The following TEX26 variants were observed in gnomAD, a reference collection of about 807,000 sequenced individuals.
TEX26 encodes testis-expressed protein 26.
Under a neutral mutation model 35.3 loss-of-function variants are expected in TEX26, and 34 were observed. That is an observed-to-expected ratio of 0.96 (90% CI 0.73 to 1.28). The LOEUF (loss-of-function observed/expected upper bound fraction) is 1.28, where lower values mean the gene tolerates loss of function less well. Ranked by LOEUF, TEX26 falls within the 50% of genes most tolerant of loss-of-function variation. The pLI is 0.00. For synonymous variants in TEX26, 136 were observed against 111.8 expected (o/e 1.22, Z -1.36); for missense variants, 371 against 330.1 (o/e 1.12, Z -0.96).
At chr13:30,966,116 T>G in intron 4 of TEX26, 106 bp from the exon 5 acceptor site, 1 of 1,128,784 alleles carries the variant, frequency 8.9e-7, no homozygotes, top group East Asian at 2.5e-5. Context: ...TCCATTGAAG[T>G]GTTCATACAG....
chr13:30,946,622 C>A (rs983343538), intron 2 of TEX26, among the ~76,000 whole-genome samples: 9 of 151,536 alleles, frequency 5.9e-5, no homozygotes, highest in Non-Finnish European at 1.2e-4. Flanking sequence ...TTTAAAATTT[C>A]TTTTTTCCCC....
At chr13:30,936,082 A>G (rs984296793) in intron 1 of TEX26, among the ~76,000 whole-genome samples, 1 of 152,256 alleles carries the variant, frequency 6.6e-6, no homozygotes, top group African/African-American at 2.4e-5. Context: ...TTTGGGGATT[A>G]GGACATGGAA....
intron 2 of TEX26, among the ~76,000 whole-genome samples, chr13:30,952,315 G>A (rs996036034): frequency 6.6e-6 from 1 of 151,734 alleles, no homozygotes; most frequent in Non-Finnish European, 1.5e-5. Flanking sequence ...TTATCAAATG[G>A]GAGATTTCTA....
intron 2 of TEX26, among the ~76,000 whole-genome samples, chr13:30,948,074 A>G (rs1953779971): frequency 6.6e-6 from 1 of 152,028 alleles, no homozygotes; most frequent in Admixed American, 6.6e-5. Flanking sequence ...TGAACTCATC[A>G]TTTTTTATGG....
rs140237674 is a variant in TEX26, at chr13:30,972,138, T to C, written c.809-2708T>C. Among the ~76,000 whole-genome samples the C allele has an allele frequency of 6.4e-4, 98 of 152,292 alleles. 2 individuals carry two copies. In the South Asian group the frequency reaches 0.011, roughly 18 times the overall value. On this transcript the variant is annotated intron_variant, in intron 6 of 6. Coordinates refer to ENST00000380473, the MANE Select transcript of TEX26 (RefSeq NM_152325.3). ...TACAGTAGCAGTCTGTGAGGGGTAC[T>C]CCCAACCCTATGGATGGACAGGAGA...
chr13:30,945,293 A>G (rs948544775), intron 2 of TEX26, among the ~76,000 whole-genome samples: 4 of 151,822 alleles, frequency 2.6e-5, no homozygotes, highest in Non-Finnish European at 5.9e-5. Context: ...TTCCATTTGC[A>G]TGCAATATCT....
intron 2 of TEX26, among the ~76,000 whole-genome samples, chr13:30,941,027 G>A (rs1423247393): frequency 6.6e-6 from 1 of 152,140 alleles, no homozygotes; most frequent in Non-Finnish European, 1.5e-5. Flanking sequence ...ATGGAGTTAG[G>A]CAGAAATGGC....
chr13:30,970,179 G>A (rs1320807081), intron 6 of TEX26, among the ~76,000 whole-genome samples: 3 of 38,164 alleles, frequency 7.9e-5, no homozygotes, highest in African/African-American at 1.4e-4. Context: ...GTGTGTGTGT[G>A]TGTGTGTGTG....
chr13:30,956,931 T>G lies in TEX26; in HGVS notation c.371T>G (p.Leu124Arg). 6.2e-7 allele frequency: 1 copy of G among 1,614,164 alleles called. No individual in the cohort carries two copies. Among genetic ancestry groups the G allele is most frequent in the Admixed American group, 1.7e-5 (1 of 60,018 alleles). The change falls in exon 4 of 7, where the codon CTC becomes CGC. Residue 124 changes from leucine to arginine, a missense_variant. Coordinates refer to ENST00000380473, the MANE Select transcript of TEX26 (RefSeq NM_152325.3). ...CAAACGGGGACACTAAAGAACTGCC[T>G]CCCTTGGAAAATCCCGGCTTCAATG... ...CQQTGTLKNC[L>R]PWKIPASMKE...
At chr13:30,934,878 C>G (rs1168452300) in intron 1 of TEX26, among the ~76,000 whole-genome samples, 2 of 152,204 alleles carry the variant, frequency 1.3e-5, no homozygotes, top group African/African-American at 4.8e-5. Context: ...TGCCTCTGAG[C>G]CTCCCTGTGG....
In TEX26 at chr13:30,956,949, C is replaced by T. The variant is rs753162598; in HGVS notation, c.389C>T (p.Ala130Val). Reference protein sequence around the residue: ...LKNCLPWKIPASMKEVNKALS... With the variant: ...LKNCLPWKIPVSMKEVNKALS... ...AACTGCCTCCCTTGGAAAATCCCGG[C>T]TTCAATGAAAGAAGTTAACAAGGCA... Residue 130 changes from alanine to valine, a missense_variant, in exon 4 of 7, where the codon GCT becomes GTT. Transcript: ENST00000380473. The T allele has an allele frequency of 5.9e-5, 95 of 1,614,038 alleles. No homozygotes were observed. The highest frequency in any genetic ancestry group is 7.5e-5 in the Non-Finnish European group (89 of 1,180,006).
intron 4 of TEX26, among the ~76,000 whole-genome samples, chr13:30,962,333 C>T (rs1954375490): frequency 6.6e-6 from 1 of 152,204 alleles, no homozygotes; most frequent in South Asian, 2.1e-4. Flanking sequence ...TGTCAGCCCC[C>T]ACCCTCATGA....
intron 4 of TEX26, among the ~76,000 whole-genome samples, chr13:30,964,547 A>G (rs1954461461): frequency 6.6e-6 from 1 of 152,274 alleles, no homozygotes; most frequent in African/African-American, 2.4e-5. Flanking sequence ...AGATAAAAGC[A>G]TCAAGTATTT....
At chr13:30,952,200 G>A (rs75875743) in intron 2 of TEX26, among the ~76,000 whole-genome samples, 16 of 151,744 alleles carry the variant, frequency 1.1e-4, no homozygotes, top group African/African-American at 3.6e-4. Flanking sequence ...GTGTCTGGTG[G>A]TCCTCTTTTG....
At chr13:30,947,494 A>G (rs146999733) in intron 2 of TEX26, among the ~76,000 whole-genome samples, 327 of 152,288 alleles carry the variant, frequency 2.1e-3, no homozygotes, top group Non-Finnish European at 3.2e-3. Context: ...ATGACTGATC[A>G]GCTGACAACT....
chr13:30,960,556 T>A (rs1173670004), intron 4 of TEX26, among the ~76,000 whole-genome samples: 3 of 152,212 alleles, frequency 2.0e-5, no homozygotes, highest in African/African-American at 7.2e-5. Flanking sequence ...AAAACTTCTT[T>A]ACTTTTTAAT....
intron 4 of TEX26, among the ~76,000 whole-genome samples, chr13:30,957,858 G>A (rs889246372): frequency 6.6e-6 from 1 of 152,246 alleles, no homozygotes; most frequent in Non-Finnish European, 1.5e-5. Context: ...TGATAGGGAT[G>A]AGTGACTGAC....
chr13:30,944,883 T>C (rs1953646107), intron 2 of TEX26, among the ~76,000 whole-genome samples: 1 of 152,028 alleles, frequency 6.6e-6, no homozygotes, highest in South Asian at 2.1e-4. Flanking sequence ...TATTGAAGAA[T>C]GTCCCATGTG....
At chr13:30,943,698 C>A (rs181046137) in intron 2 of TEX26, among the ~76,000 whole-genome samples, 16 of 152,006 alleles carry the variant, frequency 1.1e-4, no homozygotes, top group Non-Finnish European at 2.9e-5. Flanking sequence ...TTATTGAATG[C>A]TTTTACTGCA....
Sources: allele counts gnomAD v4.1 joint callset (sites outside exome capture counted in the v4.1 genomes callset), GRCh38; gene constraint gnomAD v4.1.1; transcripts MANE v1.5; gene names NCBI Gene and HGNC (gene_info 2026-07-23, HGNC 2026-07-21).